Variants in FNDC3A observed in about 807,000 individuals in gnomAD.
The protein encoded by FNDC3A is fibronectin type III domain containing 3A.
In FNDC3A, 32 loss-of-function variants were observed where a neutral mutation model predicts 148.9. The observed-to-expected ratio is 0.21, with a 90% CI of 0.16 to 0.29. FNDC3A has a LOEUF of 0.29. FNDC3A is among the 10% of genes least tolerant of loss of function. The pLI is 1.00. For synonymous variants in FNDC3A, 472 were observed against 473.6 expected, an observed-to-expected ratio of 1.00 and a Z score of 0.04; for missense variants, 1,191 against 1,452.8, an observed-to-expected ratio of 0.82 and a Z score of 2.93.
At chr13:49,029,951 A>G (rs1873987167) in intron 2 of FNDC3A, among the ~76,000 whole-genome samples, 1 of 152,236 alleles carries the variant, frequency 6.6e-6, no homozygotes, top group Admixed American at 6.5e-5. Context: ...AAGTAAAGAG[A>G]TTAAATTGGT....
At chr13:49,140,561 G>T (rs1882632107) in intron 7 of FNDC3A, among the ~76,000 whole-genome samples, 1 of 152,088 alleles carries the variant, frequency 6.6e-6, no homozygotes, top group Admixed American at 6.6e-5. Context: ...TGCAGGTCAG[G>T]GTTTTTGCTT....
chr13:48,981,480 CTTT>C (rs769217943), intron 1 of FNDC3A, among the ~76,000 whole-genome samples: 1 of 142,836 alleles, frequency 7.0e-6, no homozygotes, highest in African/African-American at 2.6e-5. Context: ...GCAATGCAGC[CTTT>C]TTTTTTTTTT....
Position 49,117,202 on chromosome 13 carries a change from A to G in FNDC3A, c.252+2471A>G, listed in dbSNP as rs559496078. On this transcript the variant is annotated intron_variant, in intron 4 of 25. Transcript: ENST00000492622. ...GTAATCTTTAGACCAAAAGCCACAG[A>G]GATAATCTTCCTATAGCATTTCTTT... Among the ~76,000 whole-genome samples, 29 of 152,344 alleles carry G rather than the reference A, an allele frequency of 1.9e-4. No homozygotes were observed. The South Asian group carries it at 6.0e-3, about 32-fold the overall frequency.
intron 2 of FNDC3A, among the ~76,000 whole-genome samples, chr13:49,007,622 A>G (rs979344419): frequency 1.3e-5 from 2 of 152,170 alleles, no homozygotes; most frequent in African/African-American, 4.8e-5. Context: ...AAATAACTCC[A>G]TGATGCCATC....
At chr13:49,016,064 C>CT (rs1180838647) in intron 2 of FNDC3A, among the ~76,000 whole-genome samples, 1 of 152,150 alleles carries the variant, frequency 6.6e-6, no homozygotes, top group Non-Finnish European at 1.5e-5. Context: ...CTAAAATTCT[C>CT]TTTTTTTGTT....
At chr13:49,029,035 A>G (rs1873927763) in intron 2 of FNDC3A, among the ~76,000 whole-genome samples, 1 of 152,172 alleles carries the variant, frequency 6.6e-6, no homozygotes, top group African/African-American at 2.4e-5. Context: ...GTGCAGTGAC[A>G]TAATCATGGC....
chr13:49,078,117 A>C (rs1383756100), intron 3 of FNDC3A, among the ~76,000 whole-genome samples: 1 of 152,208 alleles, frequency 6.6e-6, no homozygotes, highest in Admixed American at 6.5e-5. Context: ...ACACATTTGC[A>C]GAGGAAGATA....
intron 2 of FNDC3A, among the ~76,000 whole-genome samples, chr13:49,051,448 T>C (rs145296870): frequency 1.7e-4 from 26 of 152,352 alleles, no homozygotes; most frequent in African/African-American, 5.8e-4. Flanking sequence ...TTTTACTGGA[T>C]ACAAAATTCA....
At chr13:49,053,070 A>C (rs374518698) in intron 2 of FNDC3A, among the ~76,000 whole-genome samples, 1 of 152,140 alleles carries the variant, frequency 6.6e-6, no homozygotes, top group Non-Finnish European at 1.5e-5. Context: ...TCTCATTCCA[A>C]CTGTAACTCC....
intron 4 of FNDC3A, among the ~76,000 whole-genome samples, chr13:49,119,165 A>C (rs1404738930): frequency 6.6e-6 from 1 of 152,232 alleles, no homozygotes; most frequent in Non-Finnish European, 1.5e-5. Flanking sequence ...AAGAACAGGC[A>C]GCAGTCTTTG....
chr13:49,174,317 T>A, intron 11 of FNDC3A, 118 bp from the exon 12 acceptor site: 2 of 729,420 alleles, frequency 2.7e-6, no homozygotes, highest in Non-Finnish European at 4.5e-6. Context: ...AGCCTTCTCT[T>A]GAGATCCATG....
chr13:49,138,764 A>C lies in FNDC3A; in HGVS notation c.778A>C (p.Lys260Gln). The stretch of plus-strand genomic sequence containing the variant: ...TTTTTAAGAAAAAGATGAAGAAACT[A>C]AAGCATTTGAAGCACTTCTTTCCAA... ...TEIEEKDEET[K>Q]AFEALLSNIV... Residue 260 changes from lysine to glutamine, a missense_variant, in exon 7 of 26, where the codon AAA becomes CAA. Lys to Gln is a moderately conservative substitution (Grantham distance 53). Around this residue, in one of 3 missense-constraint regions of FNDC3A, gnomAD observed 426 missense variants for 473.2 expected, o/e 0.90. Transcript: ENST00000492622. 1 of 1,494,464 alleles carries C rather than the reference A, an allele frequency of 6.7e-7. No homozygotes were observed. The highest frequency in any genetic ancestry group is 9.2e-7 in the Non-Finnish European group (1 of 1,092,738). 92.6% of individuals were successfully genotyped at this position (1,494,464 alleles called of 1,614,324 possible).
intron 2 of FNDC3A, among the ~76,000 whole-genome samples, chr13:49,023,467 T>G (rs1461756197): frequency 6.6e-6 from 1 of 151,552 alleles, no homozygotes; most frequent in Non-Finnish European, 1.5e-5. Context: ...TAATATGTTT[T>G]TAAAACTGTT....
chr13:49,132,242 GTTT>G (rs1432847039), intron 5 of FNDC3A, among the ~76,000 whole-genome samples: 1 of 152,046 alleles, frequency 6.6e-6, no homozygotes. Context: ...CTTCCAGTTG[GTTT>G]TGTTTCCATT....
intron 3 of FNDC3A, among the ~76,000 whole-genome samples, chr13:49,095,762 A>C (rs142462090): frequency 1.4e-3 from 211 of 152,220 alleles, no homozygotes; most frequent in African/African-American, 4.9e-3. Context: ...ATTCTAACCC[A>C]GGGGCAAACC....
At chr13:49,193,516 C>T (rs1274809632) in intron 19 of FNDC3A, among the ~76,000 whole-genome samples, 2 of 152,190 alleles carry the variant, frequency 1.3e-5, no homozygotes, top group African/African-American at 4.8e-5. Flanking sequence ...CCCACCTTAG[C>T]CTCCCAAAGA....
At chr13:49,066,582 A>G (rs1308782805) in intron 2 of FNDC3A, among the ~76,000 whole-genome samples, 2 of 152,242 alleles carry the variant, frequency 1.3e-5, no homozygotes, top group Non-Finnish European at 2.9e-5. Flanking sequence ...CTAGGCAACA[A>G]AGACTTAAGT....
intron 10 of FNDC3A, among the ~76,000 whole-genome samples, chr13:49,171,617 C>T (rs1349023124): frequency 6.6e-6 from 1 of 152,190 alleles, no homozygotes; most frequent in Non-Finnish European, 1.5e-5. Flanking sequence ...ACACTGCCCT[C>T]TCAGAGCTCC....
intron 6 of FNDC3A, among the ~76,000 whole-genome samples, chr13:49,137,440 G>A (rs889853369): frequency 6.6e-5 from 10 of 152,192 alleles, no homozygotes; most frequent in African/African-American, 2.4e-4. Flanking sequence ...CGCCTCCTGT[G>A]TTGAAGCGAT....
Sources: allele counts gnomAD v4.1 joint callset (sites outside exome capture counted in the v4.1 genomes callset), GRCh38; gene constraint gnomAD v4.1.1; regional missense constraint gnomAD v4.1.1; transcripts MANE v1.5; gene names NCBI Gene and HGNC (gene_info 2026-07-23, HGNC 2026-07-21).